Variants in ARHGEF6 observed in about 807,000 individuals in gnomAD.
ARHGEF6 encodes Rac/Cdc42 guanine nucleotide exchange factor 6.
A neutral mutation model predicts 70.3 loss-of-function variants in ARHGEF6; 9 were observed. That is an observed-to-expected ratio of 0.13 (90% CI 0.08 to 0.22). The LOEUF (loss-of-function observed/expected upper bound fraction) is 0.22. ARHGEF6 is among the 10% of genes least tolerant of loss of function. ARHGEF6 has a pLI of 1.00. For missense variants in ARHGEF6, 470 were observed against 563.0 expected (o/e 0.83, Z 1.67); for synonymous variants, 201 against 207.8 (o/e 0.97, Z 0.28).
Position 136,729,769 on chromosome X carries a change from G to A in ARHGEF6, c.732+2333C>T, listed in dbSNP as rs371376767. Reference sequence around the variant, plus strand: ...TTCTTGAACCCGGGAGGCGGAGGTTGCAGTGAGCTGAGATCGTGCCACTGC... The same window carrying A: ...TTCTTGAACCCGGGAGGCGGAGGTTACAGTGAGCTGAGATCGTGCCACTGC... On this transcript the variant is annotated intron_variant, in intron 6 of 21. Coordinates refer to ENST00000250617, the MANE Select transcript of ARHGEF6 (RefSeq NM_004840.3). Among the ~76,000 whole-genome samples the A allele has an allele frequency of 2.8e-4, 31 of 109,067 alleles. No individual in the cohort carries two copies. In the East Asian group the frequency reaches 7.4e-3, roughly 26 times the overall value. The allele number at this position is 109,067 out of a possible 115,157, so 94.7% of individuals were successfully genotyped here.
At chrX:136,729,842 AT>A (rs950686092) in intron 6 of ARHGEF6, among the ~76,000 whole-genome samples, 2 of 110,362 alleles carry the variant, frequency 1.8e-5, no homozygotes, top group African/African-American at 6.6e-5. Flanking sequence ...AAAAAAAAAA[AT>A]CTTTATGAAA....
Position 136,743,585 on chromosome X carries a change from C to T in ARHGEF6, c.661G>A (p.Glu221Lys). The change falls in exon 5 of 22, where the codon GAG becomes AAG. Residue 221 changes from glutamate (E) to lysine (K), a missense_variant and splice_region_variant. By Grantham distance (56) the Glu-to-Lys change is moderately conservative. Coordinates refer to ENST00000250617, the MANE Select transcript of ARHGEF6 (RefSeq NM_004840.3). The part of the protein sequence containing the change: ...SNYVREIKSS[E>K]RPLSPKAVKG... ...AAAGCCTTTTAAAAACTTCACTTAC[C>T]ACTGGATTTAATTTCACGGACATAA... The T allele has an allele frequency of 8.3e-7, 1 of 1,210,007 alleles. No homozygotes were observed.
intron 17 of ARHGEF6, 105 bp from the exon 18 acceptor site, chrX:136,676,822 TCA>T: frequency 1.8e-6 from 1 of 567,521 alleles, no homozygotes; most frequent in Non-Finnish European, 3.1e-6. Flanking sequence ...TTTGACAGTC[TCA>T]GTTAGGAGTA....
intron 5 of ARHGEF6, among the ~76,000 whole-genome samples, chrX:136,743,082 A>G (rs2077061317): frequency 8.9e-6 from 1 of 112,414 alleles, no homozygotes; most frequent in Admixed American, 9.4e-5. Context: ...AGCAGTATTC[A>G]GTGAGTTAAG....
At chrX:136,758,942 T>C (rs1818964168) in intron 2 of ARHGEF6, among the ~76,000 whole-genome samples, 2 of 111,878 alleles carry the variant, frequency 1.8e-5, no homozygotes, top group South Asian at 7.4e-4. Context: ...GAACCCTATA[T>C]AAAATCTGGC....
chrX:136,706,809 G>T, intron 9 of ARHGEF6, 99 bp downstream of exon 9: 2 of 1,023,053 alleles, frequency 2.0e-6, no homozygotes, highest in Non-Finnish European at 2.7e-6. Flanking sequence ...ATCATGAACA[G>T]GGATAATCAA....
intron 2 of ARHGEF6, chrX:136,767,749 G>A: frequency 1.3e-6 from 1 of 754,964 alleles, no homozygotes; most frequent in Non-Finnish European, 1.6e-6. Flanking sequence ...GAGGGAAAGC[G>A]GCCTGGAGGC....
At chrX:136,696,192 A>C (rs1433329101) in intron 9 of ARHGEF6, among the ~76,000 whole-genome samples, 3 of 111,458 alleles carry the variant, frequency 2.7e-5, no homozygotes, top group African/African-American at 9.8e-5. Context: ...AAGTGATAAA[A>C]AGTTTAGGCT....
chrX:136,672,146 G>A (rs2076231592), intron 19 of ARHGEF6, 27 bp from the exon 20 acceptor site: 5 of 1,059,503 alleles, frequency 4.7e-6, no homozygotes, highest in Non-Finnish European at 6.6e-6. Context: ...CAAGATGGGG[G>A]AGGAGGGAGA....
chrX:136,668,961 C>A (rs113375161), intron 21 of ARHGEF6, among the ~76,000 whole-genome samples: 1 of 111,587 alleles, frequency 9.0e-6, no homozygotes, highest in Non-Finnish European at 1.9e-5. Flanking sequence ...AGCCTCATTA[C>A]CCTGCCTCAG....
chrX:136,744,971 T>C (rs1009190098), intron 4 of ARHGEF6, among the ~76,000 whole-genome samples: 6 of 112,152 alleles, frequency 5.3e-5, no homozygotes, highest in Non-Finnish European at 1.1e-4. Context: ...TTGCATAGCA[T>C]TCTCAGTTAA....
At chrX:136,775,432 T>C (rs2077396600) in intron 2 of ARHGEF6, among the ~76,000 whole-genome samples, 1 of 111,554 alleles carries the variant, frequency 9.0e-6, no homozygotes, top group Non-Finnish European at 1.9e-5. Flanking sequence ...ATAAACAGAA[T>C]TAAAAACAAA....
chrX:136,675,117 T>A, intron 18 of ARHGEF6, 21 bp from the exon 19 acceptor site: 2 of 1,167,167 alleles, frequency 1.7e-6, no homozygotes. Context: ...TAATTCATCA[T>A]GACTTTTCAT....
intron 2 of ARHGEF6, among the ~76,000 whole-genome samples, chrX:136,772,176 A>G (rs1209698337): frequency 8.9e-6 from 1 of 112,247 alleles, no homozygotes; most frequent in Non-Finnish European, 1.9e-5. Context: ...CAAACATCAC[A>G]TGTCCTCACT....
chrX:136,695,855 T>C (rs1027994760), intron 9 of ARHGEF6, among the ~76,000 whole-genome samples: 3 of 112,208 alleles, frequency 2.7e-5, no homozygotes, highest in Non-Finnish European at 3.8e-5. Context: ...TTGAATTGCA[T>C]CTATAATTTG....
At chrX:136,749,131 A>G (rs886243667) in intron 2 of ARHGEF6, among the ~76,000 whole-genome samples, 2 of 112,243 alleles carry the variant, frequency 1.8e-5, no homozygotes, top group African/African-American at 6.5e-5. Context: ...CATTCCAAAT[A>G]TATTTCTGAA....
rs1172755131 is a variant in ARHGEF6 at position 136,688,068 on chromosome X, G to C, written c.1186-77C>G. 12 of 752,057 alleles carry C rather than the reference G, an allele frequency of 1.6e-5. No individual in the cohort carries two copies. In the East Asian group the frequency reaches 3.8e-4, roughly 24 times the overall value. The allele number at this position is 752,057 out of a possible 1,213,427, so 62.0% of individuals were successfully genotyped here. ...TTGCCAAGGGTTAGGGGTAGAAAGAGAGTATGGCCACAAAGATAGCAAGAG... is the reference window on the plus strand; with the variant it reads ...TTGCCAAGGGTTAGGGGTAGAAAGACAGTATGGCCACAAAGATAGCAAGAG... On this transcript the variant is annotated intron_variant, in intron 10 of 21. Coordinates refer to ENST00000250617, the MANE Select transcript of ARHGEF6 (RefSeq NM_004840.3).
chrX:136,677,889 C>T (rs372548244), intron 17 of ARHGEF6, 47 bp downstream of exon 17: 14 of 1,086,368 alleles, frequency 1.3e-5, no homozygotes, highest in East Asian at 3.0e-5. Flanking sequence ...GGTTACAGTA[C>T]AGCATTATGA....
chrX:136,710,151 C>T (rs1353293359), intron 7 of ARHGEF6, among the ~76,000 whole-genome samples: 3 of 106,591 alleles, frequency 2.8e-5, no homozygotes, highest in Admixed American at 1.0e-4. Flanking sequence ...ACTAAAAATA[C>T]AAAATTGCCA....
Sources: allele counts gnomAD v4.1 joint callset (sites outside exome capture counted in the v4.1 genomes callset), GRCh38; gene constraint gnomAD v4.1.1; transcripts MANE v1.5; gene names NCBI Gene and HGNC (gene_info 2026-07-23, HGNC 2026-07-21).